HECTD4: variants seen among roughly 807,000 people sequenced by gnomAD.
The protein encoded by HECTD4 is HECT domain E3 ubiquitin protein ligase 4, also known as probable E3 ubiquitin-protein ligase HECTD4.
A neutral mutation model predicts 471.5 loss-of-function variants in HECTD4; 114 were observed. The ratio of observed to expected loss-of-function variants is 0.24; its 90% confidence interval spans 0.21 to 0.28. The LOEUF (loss-of-function observed/expected upper bound fraction) is 0.28. Among genes scored for constraint, HECTD4 ranks in the 10% least tolerant of loss-of-function variants. The pLI is 1.00. For synonymous variants in HECTD4, 2,012 were observed against 2,256.0 expected (o/e 0.89, Z 3.07); for missense variants, 3,866 against 5,651.5 (o/e 0.68, Z 10.13).
At chr12:112,298,521 G>A (rs966403722) in intron 7 of HECTD4, among the ~76,000 whole-genome samples, 8 of 130,196 alleles carry the variant, frequency 6.1e-5, no homozygotes, top group African/African-American at 1.2e-4. Context: ...GTCTCACTAT[G>A]TTGCATGTTG....
intron 1 of HECTD4, among the ~76,000 whole-genome samples, chr12:112,369,586 C>A (rs1486045000): frequency 6.6e-6 from 1 of 152,026 alleles, no homozygotes; most frequent in Non-Finnish European, 1.5e-5. Flanking sequence ...CTCAAGTGAT[C>A]CACCTGCCTC....
At chr12:112,175,954 G>A (rs940934282) in intron 65 of HECTD4, 95 bp from the exon 66 acceptor site, 158 of 1,468,292 alleles carry the variant, frequency 1.1e-4, no homozygotes, top group Non-Finnish European at 1.3e-4. Context: ...TCTCCCCTAC[G>A]GCCCAACCCA....
At chr12:112,329,610 C>T (rs1182936707) in intron 1 of HECTD4, among the ~76,000 whole-genome samples, 1 of 152,048 alleles carries the variant, frequency 6.6e-6, no homozygotes, top group African/African-American at 2.4e-5. Flanking sequence ...TGAAGAGATC[C>T]GCCCACCTCG....
chr12:112,234,996 A>C (rs2033466693), intron 37 of HECTD4, 81 bp downstream of exon 37: 1 of 1,292,592 alleles, frequency 7.7e-7, no homozygotes, highest in Admixed American at 2.3e-5. Context: ...CAGTCGATAC[A>C]TGTACAGGGC....
At chr12:112,254,680 T>A (rs1177369072) in intron 21 of HECTD4, among the ~76,000 whole-genome samples, 1 of 151,900 alleles carries the variant, frequency 6.6e-6, no homozygotes, top group Non-Finnish European at 1.5e-5. Flanking sequence ...AAATTGAAAA[T>A]AAGCCATATA....
At chr12:112,296,730 G>A (rs762234567) in intron 7 of HECTD4, among the ~76,000 whole-genome samples, 38 of 151,236 alleles carry the variant, frequency 2.5e-4, no homozygotes, top group Admixed American at 9.2e-4. Context: ...TGCAGATGGT[G>A]TAGGTGCAGA....
At position 112,184,509 on chromosome 12, in the gene HECTD4, G is replaced by A. The variant is rs1254506098; in HGVS notation, c.10457C>T (p.Ser3486Phe). Residue 3486 changes from serine to phenylalanine, a missense_variant, in exon 61 of 76, where the codon TCC (serine) becomes TTC (phenylalanine). Physicochemically the swap from Ser to Phe is radical, Grantham distance 155 (BLOSUM62 -2). This residue lies in a region of HECTD4 where 192 missense variants were observed against 189.9 expected (regional missense o/e 1.01). Transcript: ENST00000682272. This position sits in a 1 kb window ranked among gnomAD's most constrained non-coding sequence, Gnocchi z 9.1. ...SLTPAMSISA[S>F]ASTSQASICS... Reference sequence around the variant, plus strand: ...GATGGAGGCCTGGCTGGTGGAGGCGGAGGCGCTGATGCTCATGGCGGGGGT... The same window carrying A: ...GATGGAGGCCTGGCTGGTGGAGGCGAAGGCGCTGATGCTCATGGCGGGGGT... 3 of 1,610,742 alleles carry A rather than the reference G, an allele frequency of 1.9e-6. No homozygotes were observed. The highest frequency in any genetic ancestry group is 1.3e-5 in the African/African-American group (1 of 74,906).
intron 13 of HECTD4, among the ~76,000 whole-genome samples, chr12:112,267,896 T>C (rs1188207691): frequency 1.3e-5 from 2 of 152,130 alleles, no homozygotes; most frequent in African/African-American, 2.4e-5. Flanking sequence ...TCTCAGCTCA[T>C]TGCAGCCTTG....
intron 29 of HECTD4, among the ~76,000 whole-genome samples, chr12:112,244,472 A>G (rs7966422): frequency 0.46 from 69,371 of 152,030 alleles, 20,086 homozygotes; most frequent in East Asian, 0.9. Flanking sequence ...AGGTTCAAGC[A>G]ATTCTCCTAC....
chr12:112,163,691 G>A lies in HECTD4; in HGVS notation c.12748C>T (p.Leu4250=). Residue 4250 remains leucine, a synonymous_variant, in exon 74 of 76, where the codon CTG becomes TTG. Coordinates refer to ENST00000682272, the MANE Select transcript of HECTD4 (RefSeq NM_001388303.1). The surrounding 1 kb of genome is among the most constrained non-coding windows in gnomAD (Gnocchi z 8.2). The part of the protein sequence containing the change: ...IYAAAIRSLR[L]RELQNVECVT... ...CACTCCACATTCTGCAGCTCCCGCA[G>A]CCGCAGGCTCCGGATGGCTGCCGCG... The A allele has an allele frequency of 6.6e-7, 1 of 1,519,002 alleles. No individual in the cohort carries two copies. The highest frequency in any genetic ancestry group is 2.4e-4 in the Middle Eastern group (1 of 4,212). 94.1% of individuals were successfully genotyped at this position (1,519,002 alleles called of 1,614,324 possible).
chr12:112,345,324 A>T lies in HECTD4; in HGVS notation c.178-25582T>A, dbSNP rs553281577. On this transcript the variant is annotated intron_variant, in intron 1 of 75. Transcript: ENST00000682272. ...CAGAAGAAGAAAAAAGAAGAAAAAA[A>T]CCAGGACAATGAAACGATATGAAAA... Among the ~76,000 whole-genome samples the T allele has an allele frequency of 6.6e-5, 10 of 152,190 alleles. No individual in the cohort carries two copies. In the East Asian group the frequency reaches 1.7e-3, roughly 26 times the overall value.
chr12:112,207,963 G>A lies in HECTD4; in HGVS notation c.8042C>T (p.Thr2681Ile). 1.2e-6 allele frequency: 2 copies of A among 1,613,708 alleles called. No homozygotes were observed. Among genetic ancestry groups the A allele is most frequent in the Non-Finnish European group, 1.7e-6 (2 of 1,179,794 alleles). The change falls in exon 52 of 76, where the codon ACC becomes ATC. Residue 2681 changes from threonine to isoleucine, a missense_variant. Thr to Ile is a moderately conservative substitution (Grantham distance 89). Transcript: ENST00000682272. The stretch of plus-strand genomic sequence containing the variant: ...TCTTCGGATGGTAGGAAAAACCTTG[G>A]TCTCCCATGCTTTCACCAGCAGGGC... ...HYALLVKAWETKVFPTIRRRF... is the reference protein window; with the variant it reads ...HYALLVKAWEIKVFPTIRRRF...
intron 1 of HECTD4, among the ~76,000 whole-genome samples, chr12:112,367,352 A>G (rs2036584385): frequency 6.7e-6 from 1 of 150,246 alleles, no homozygotes. Context: ...GAAAGAAAAC[A>G]AAACAAAAGG....
At chr12:112,167,076 G>T in intron 72 of HECTD4, 1 of 421,764 alleles carries the variant, frequency 2.4e-6, no homozygotes, top group Non-Finnish European at 4.2e-6. Flanking sequence ...CACCAATGTG[G>T]GAGGGGAGGG....
In HECTD4 at chr12:112,185,075, G is replaced by C. The variant is rs1429043851; in HGVS notation, c.9891C>G (p.Ser3297=). 4.4e-6 allele frequency: 7 copies of C among 1,582,304 alleles called. No homozygotes were observed. Among genetic ancestry groups the C allele is most frequent in the Non-Finnish European group, 4.3e-6 (5 of 1,163,888 alleles). ...GACTCTGTGGGGTCTGTCCTGGGGA[G>C]GACGAGGAGGAGGAGGACGAGTCAC... ...NLSDSSSSSS[S]SPGQTPQSPS... The change falls in exon 61 of 76, where the codon TCC becomes TCG. Residue 3297 remains serine (S), a synonymous_variant. Coordinates refer to ENST00000682272, the MANE Select transcript of HECTD4 (RefSeq NM_001388303.1).
chr12:112,224,400 G>A (rs531134587), intron 44 of HECTD4, among the ~76,000 whole-genome samples: 17 of 151,886 alleles, frequency 1.1e-4, no homozygotes, highest in African/African-American at 4.1e-4. Flanking sequence ...CCGAGTAGCT[G>A]GGACTACAGG....
intron 1 of HECTD4, among the ~76,000 whole-genome samples, chr12:112,351,559 T>G (rs999811011): frequency 5.9e-5 from 9 of 152,218 alleles, no homozygotes; most frequent in Admixed American, 2.6e-4. Context: ...TCTATAAATT[T>G]CCAGGTCTGT....
rs760245488 is a variant in HECTD4, at chr12:112,230,864, G to T, written c.6201-42C>A. The T allele has an allele frequency of 4.4e-6, 7 of 1,582,316 alleles. No homozygotes were observed. The Admixed American group carries it at 1.3e-4, about 28-fold the overall frequency. On this transcript the variant is annotated intron_variant, in intron 39 of 75. Coordinates refer to ENST00000682272, the MANE Select transcript of HECTD4 (RefSeq NM_001388303.1). ...GAAAAAGTGTCAGTGCCCAGTGATGGTTAAGACTGCAGGGAAGTGGCTTTC... is the reference window on the plus strand; with the variant it reads ...GAAAAAGTGTCAGTGCCCAGTGATGTTTAAGACTGCAGGGAAGTGGCTTTC...
chr12:112,291,866 C>T (rs551542372), intron 7 of HECTD4, among the ~76,000 whole-genome samples: 1 of 152,086 alleles, frequency 6.6e-6, no homozygotes, highest in South Asian at 2.1e-4. Context: ...AGTGAGTCTC[C>T]ATCTCAGAAA....
Sources: gnomAD v4.1 joint callset for allele counts (sites outside exome capture counted in the v4.1 genomes callset) on GRCh38, gnomAD v4.1.1 for gene constraint, gnomAD v4.1.1 regional missense constraint, Gnocchi (gnomAD v3.1) non-coding constraint, MANE v1.5 for transcripts, NCBI Gene and HGNC (gene_info 2026-07-23, HGNC 2026-07-21) for gene names.